Variants in GARRE1 observed in about 807,000 individuals in gnomAD.
The protein encoded by GARRE1 is granule associated Rac and RHOG effector protein 1.
A neutral mutation model predicts 103.2 loss-of-function variants in GARRE1; 49 were observed. That is an observed-to-expected ratio of 0.47 (90% CI 0.38 to 0.60). GARRE1 has a LOEUF of 0.60. GARRE1 is among the 20% of genes least tolerant of loss of function. GARRE1 has a pLI of 0.00. For missense variants in GARRE1, 1,199 were observed against 1,370.5 expected, an observed-to-expected ratio of 0.87 and a Z score of 1.98; for synonymous variants, 505 against 532.8, an observed-to-expected ratio of 0.95 and a Z score of 0.72.
chr19:34,343,358 C>T (rs1365303803), intron 10 of GARRE1, among the ~76,000 whole-genome samples: 1 of 151,576 alleles, frequency 6.6e-6, no homozygotes, highest in East Asian at 2.0e-4. Context: ...GATCCCTTGA[C>T]CCCAGGATTT....
rs967608701 is a variant in GARRE1 at position 34,280,561 on chromosome 19, C to T, written c.-795-19118C>T. Among the ~76,000 whole-genome samples, 14 of 152,134 alleles carry T rather than the reference C, an allele frequency of 9.2e-5. 1 individual carries two copies. In the East Asian group the frequency reaches 2.7e-3, roughly 29 times the overall value. On this transcript the variant is annotated intron_variant, in intron 1 of 13. Coordinates refer to ENST00000299505, the MANE Select transcript of GARRE1 (RefSeq NM_014686.5). ...TGCCTAAAAGTTTTGATTTTGAAGTCCAGTTTATCTGTTTTTTGTTGCCTG... is the reference window on the plus strand; with the variant it reads ...TGCCTAAAAGTTTTGATTTTGAAGTTCAGTTTATCTGTTTTTTGTTGCCTG...
chr19:34,324,956 T>C (rs1490431675), intron 3 of GARRE1, among the ~76,000 whole-genome samples: 1 of 152,246 alleles, frequency 6.6e-6, no homozygotes, highest in Non-Finnish European at 1.5e-5. Flanking sequence ...CTTGCTGAAA[T>C]CTGGCTTCCA....
intron 1 of GARRE1, chr19:34,296,193 C>A: frequency 4.4e-6 from 2 of 453,188 alleles, no homozygotes; most frequent in African/African-American, 2.0e-5. Context: ...ACAAATAGCA[C>A]AGGAGGATCC....
At chr19:34,270,826 GA>G (rs1233539446) in intron 1 of GARRE1, among the ~76,000 whole-genome samples, 2 of 152,184 alleles carry the variant, frequency 1.3e-5, no homozygotes, top group African/African-American at 4.8e-5. Context: ...GTTTATCGGA[GA>G]TTCTTAAGAG....
intron 13 of GARRE1, 21 bp downstream of exon 13, chr19:34,351,613 G>T: frequency 6.3e-7 from 1 of 1,585,766 alleles, no homozygotes; most frequent in South Asian, 1.1e-5. Context: ...AGGCTCTGTG[G>T]GCACAGACTT....
chr19:34,323,503 C>A (rs1202597543), intron 3 of GARRE1, among the ~76,000 whole-genome samples: 1 of 152,116 alleles, frequency 6.6e-6, no homozygotes, highest in Non-Finnish European at 1.5e-5. Flanking sequence ...TTTGGTCTGT[C>A]TTTCATGCTA....
chr19:34,296,824 T>C (rs190781354), intron 1 of GARRE1, among the ~76,000 whole-genome samples: 61 of 152,166 alleles, frequency 4.0e-4, no homozygotes, highest in African/African-American at 1.4e-3. Flanking sequence ...TTGTTTTATT[T>C]TTGGGGACAG....
chr19:34,336,990 A>G (rs1049477884), intron 8 of GARRE1, among the ~76,000 whole-genome samples: 2 of 149,108 alleles, frequency 1.3e-5, no homozygotes, highest in Non-Finnish European at 3.0e-5. Flanking sequence ...GTAGACTGTG[A>G]TTTCTTGTAG....
At chr19:34,277,772 C>A (rs1456768225) in intron 1 of GARRE1, among the ~76,000 whole-genome samples, 7 of 151,756 alleles carry the variant, frequency 4.6e-5, no homozygotes, top group African/African-American at 1.5e-4. Flanking sequence ...ATTAGAGTTG[C>A]AAAATAATAG....
intron 3 of GARRE1, among the ~76,000 whole-genome samples, chr19:34,325,676 C>T (rs1256761363): frequency 6.6e-6 from 1 of 152,192 alleles, no homozygotes; most frequent in Admixed American, 6.5e-5. Flanking sequence ...GATGTCGCTT[C>T]TCATTTCCTT....
At chr19:34,314,438 T>C (rs1453221105) in intron 2 of GARRE1, among the ~76,000 whole-genome samples, 2 of 152,204 alleles carry the variant, frequency 1.3e-5, no homozygotes, top group Non-Finnish European at 2.9e-5. Flanking sequence ...TAGAACTATT[T>C]GTATGTTTGT....
Position 34,341,748 on chromosome 19 carries a change from A to G in GARRE1, c.1814A>G (p.Gln605Arg), listed in dbSNP as rs756890742. 5 of 1,614,242 alleles carry G rather than the reference A, an allele frequency of 3.1e-6. No homozygotes were observed. In the East Asian group the frequency reaches 1.1e-4, roughly 36 times the overall value. Residue 605 changes from glutamine to arginine, a missense_variant, in exon 10 of 14, where the codon CAG becomes CGG. Gln to Arg is a conservative substitution (Grantham distance 43, BLOSUM62 1). Transcript: ENST00000299505. The stretch of plus-strand genomic sequence containing the variant: ...TTCCCCAGGACTACAGACCCTTCAC[A>G]GTCAGCTCAGAATTCCAGTAATACA... ...GNFPRTTDPS[Q>R]SAQNSSNTVA... is the part of the protein sequence containing the mutation.
chr19:34,275,291 T>C (rs1373791385), intron 1 of GARRE1, among the ~76,000 whole-genome samples: 2 of 152,150 alleles, frequency 1.3e-5, no homozygotes, highest in African/African-American at 4.8e-5. Context: ...AGTATATAAA[T>C]TGGTGGTTTT....
intron 1 of GARRE1, among the ~76,000 whole-genome samples, chr19:34,257,468 G>C (rs1446290910): frequency 6.6e-6 from 1 of 150,552 alleles, no homozygotes; most frequent in Non-Finnish European, 1.5e-5. Flanking sequence ...CTCCCTAGGA[G>C]CTGGGATCAC....
Position 34,352,138 on chromosome 19 carries a change from G to A in GARRE1, c.2905-509G>A, listed in dbSNP as rs1185950898. Among the ~76,000 whole-genome samples the A allele has an allele frequency of 2.6e-5, 4 of 152,088 alleles. 1 individual carries two copies. Among genetic ancestry groups the A allele is most frequent in the Middle Eastern group, 6.8e-3 (2 of 294 alleles). ...ACAATCAGCCGGGCGCAGTGGCGAC[G>A]CCTGTAATCCCAGCACTTTGGGAGG... On this transcript the variant is annotated intron_variant, in intron 13 of 13. Transcript: ENST00000299505.
Position 34,349,057 on chromosome 19 carries a change from C to T in GARRE1, c.2729C>T (p.Ser910Phe), listed in dbSNP as rs372355125. The change falls in exon 12 of 14, where the codon TCT (serine) becomes TTT (phenylalanine). Residue 910 changes from serine (S) to phenylalanine (F), a missense_variant. Coordinates refer to ENST00000299505, the MANE Select transcript of GARRE1 (RefSeq NM_014686.5). ...HGGWSGAQGD[S>F]ASSSDETSSA... ...GGCTGGTCGGGTGCTCAGGGAGACT[C>T]TGCCAGCTCGAGTGATGAGACATCC... 1.2e-5 allele frequency: 19 copies of T among 1,612,448 alleles called. No homozygotes were observed. In the African/African-American group the frequency reaches 2.0e-4, roughly 17 times the overall value.
At chr19:34,321,409 C>T (rs2074088310) in intron 3 of GARRE1, among the ~76,000 whole-genome samples, 1 of 151,298 alleles carries the variant, frequency 6.6e-6, no homozygotes, top group South Asian at 2.1e-4. Context: ...TTTGTCAGTG[C>T]TTTACATGTG....
chr19:34,256,629 G>A (rs1455234724), intron 1 of GARRE1, among the ~76,000 whole-genome samples: 3 of 150,698 alleles, frequency 2.0e-5, no homozygotes, highest in Non-Finnish European at 4.4e-5. Context: ...GAAATATTTT[G>A]TAAATGGCTA....
chr19:34,284,071 C>G (rs1312164169), intron 1 of GARRE1, among the ~76,000 whole-genome samples: 1 of 149,776 alleles, frequency 6.7e-6, no homozygotes, highest in East Asian at 2.0e-4. Context: ...ACCTCGTGAT[C>G]CGCCCGCCTC....
Sources: allele counts gnomAD v4.1 joint callset (sites outside exome capture counted in the v4.1 genomes callset), GRCh38; gene constraint gnomAD v4.1.1; transcripts MANE v1.5; gene names NCBI Gene and HGNC (gene_info 2026-07-23, HGNC 2026-07-21).